Variants in CORO2B observed in about 807,000 individuals in gnomAD.
CORO2B encodes the protein coronin 2B.
CORO2B carries 26 observed loss-of-function variants against 58.8 expected under a neutral mutation model. The observed-to-expected ratio is 0.44, with a 90% CI of 0.32 to 0.61. The LOEUF (loss-of-function observed/expected upper bound fraction) is 0.61. CORO2B is among the 20% of genes least tolerant of loss of function. The pLI, the probability that CORO2B is intolerant of heterozygous loss-of-function variation, is 0.04. For synonymous variants in CORO2B, 242 were observed against 253.8 expected (o/e 0.95, Z 0.44); for missense variants, 460 against 645.1 (o/e 0.71, Z 3.11).
Position 68,597,538 on chromosome 15 carries a change from G to A in CORO2B, c.15+18261G>A, listed in dbSNP as rs565166020. Reference sequence around the variant, plus strand: ...TATTGCATCCCCATTGTGCCCCAGGGCCCATGCTGTTAACTGCCTGGCTGT... The same window carrying A: ...TATTGCATCCCCATTGTGCCCCAGGACCCATGCTGTTAACTGCCTGGCTGT... On this transcript the variant is annotated intron_variant, in intron 1 of 11. Coordinates refer to ENST00000261861, the MANE Select transcript of CORO2B (RefSeq NM_006091.5). Among the ~76,000 whole-genome samples the A allele has an allele frequency of 9.2e-5, 14 of 151,648 alleles. No individual in the cohort carries two copies. In the South Asian group the frequency reaches 1.7e-3, roughly 18 times the overall value.
chr15:68,571,816 C>A, the CORO2B span, among the ~76,000 whole-genome samples: 5 of 152,170 alleles, frequency 3.3e-5, no homozygotes, highest in African/African-American at 9.7e-5. Context: ...CTGCTCTTTA[C>A]AAATATAACG....
At chr15:68,561,360 G>C in the CORO2B span, among the ~76,000 whole-genome samples, 1 of 152,100 alleles carries the variant, frequency 6.6e-6, no homozygotes, top group Non-Finnish European at 1.5e-5. Context: ...CCCCGGTCCA[G>C]ATGGTCACCC....
chr15:68,602,407 T>TCACACACACACACA (rs370587519), intron 1 of CORO2B, among the ~76,000 whole-genome samples: 11 of 138,976 alleles, frequency 7.9e-5, no homozygotes, highest in African/African-American at 2.1e-4. Context: ...TAGGGGCTGA[T>TCACACACACACACA]CACACACACA....
chr15:68,571,141 C>T, the CORO2B span, among the ~76,000 whole-genome samples: 1 of 152,126 alleles, frequency 6.6e-6, no homozygotes, highest in Non-Finnish European at 1.5e-5. Context: ...GCTGCCCAAG[C>T]ACATTTAAAT....
At chr15:68,589,683 T>C (rs769509614) in intron 1 of CORO2B, among the ~76,000 whole-genome samples, 5 of 152,212 alleles carry the variant, frequency 3.3e-5, no homozygotes, top group Non-Finnish European at 4.4e-5. Context: ...AGTTGCCCGA[T>C]GTTGGCAGGC....
At chr15:68,578,034 G>C (rs1899322829), upstream of CORO2B, among the ~76,000 whole-genome samples, 1 of 152,126 alleles carries the variant, frequency 6.6e-6, no homozygotes, top group Non-Finnish European at 1.5e-5. The surrounding 1 kb of genome is among the most constrained non-coding windows in gnomAD (Gnocchi z 4.2). Context: ...CCCTCTCCGC[G>C]GTTCTGTATC....
upstream of CORO2B, among the ~76,000 whole-genome samples, chr15:68,575,306 A>T (rs529571445): frequency 2.0e-5 from 3 of 151,334 alleles, no homozygotes; most frequent in South Asian, 6.3e-4. Flanking sequence ...ACTCCTCTGG[A>T]TGCCTCCTGC....
intron 1 of CORO2B, among the ~76,000 whole-genome samples, chr15:68,595,875 G>C (rs998385053): frequency 6.6e-6 from 1 of 152,182 alleles, no homozygotes; most frequent in Non-Finnish European, 1.5e-5. Context: ...CTGGTGAGAC[G>C]GAGCGGGCGT....
At chr15:68,694,568 G>C (rs1892464273) in intron 2 of CORO2B, among the ~76,000 whole-genome samples, 1 of 152,182 alleles carries the variant, frequency 6.6e-6, no homozygotes, top group African/African-American at 2.4e-5. Context: ...ATATCGTAGA[G>C]AGAATGGCTC....
At chr15:68,686,093 A>G (rs1202885563) in intron 2 of CORO2B, among the ~76,000 whole-genome samples, 1 of 138,290 alleles carries the variant, frequency 7.2e-6, no homozygotes, top group African/African-American at 2.8e-5. Context: ...GCTGGAGTGC[A>G]ATGGCGCAAC....
At chr15:68,558,913 G>A in the CORO2B span, among the ~76,000 whole-genome samples, 413 of 152,308 alleles carry the variant, frequency 2.7e-3, 1 homozygote, top group Non-Finnish European at 4.1e-3. Context: ...CCGCGGGGAG[G>A]TGTTGTGAGA....
the CORO2B span, among the ~76,000 whole-genome samples, chr15:68,548,174 A>T: frequency 5.5e-5 from 8 of 146,368 alleles, no homozygotes; most frequent in Admixed American, 1.4e-4. Flanking sequence ...CCATCTTAAA[A>T]ATATATATAT....
intron 1 of CORO2B, among the ~76,000 whole-genome samples, chr15:68,621,712 T>C (rs2140252242): frequency 6.6e-6 from 1 of 152,158 alleles, no homozygotes; most frequent in African/African-American, 2.4e-5. Context: ...CAGACCTGGG[T>C]TCAAAGCTCA....
chr15:68,561,322 C>A, the CORO2B span, among the ~76,000 whole-genome samples: 22 of 152,124 alleles, frequency 1.4e-4, no homozygotes, highest in Admixed American at 6.5e-4. Flanking sequence ...CATTTTGGAG[C>A]GTTTGGGCAG....
At chr15:68,682,838 A>C (rs1260126469) in intron 2 of CORO2B, among the ~76,000 whole-genome samples, 1 of 152,144 alleles carries the variant, frequency 6.6e-6, no homozygotes, top group Non-Finnish European at 1.5e-5. Context: ...ATGCTCCCCA[A>C]ATCCCAGGTG....
rs149090710 is a variant in CORO2B, at chr15:68,725,885, T to C, written c.1354T>C (p.Leu452=). The change falls in exon 12 of 12, where the codon TTG becomes CTG. Residue 452 remains leucine (L), a synonymous_variant. Coordinates refer to ENST00000261861, the MANE Select transcript of CORO2B (RefSeq NM_006091.5). ...CCGGCAGCAGGATGAGATTCGACGG[T>C]TGAAAGAGGAGCTGGCCCAGAAGGA... is the stretch of plus-strand genomic sequence containing the variant. The part of the protein sequence containing the change: ...FFRQQDEIRR[L]KEELAQKDIR... 3 of 1,613,976 alleles carry C rather than the reference T, an allele frequency of 1.9e-6. No homozygotes were observed. Among genetic ancestry groups the C allele is most frequent in the Middle Eastern group, 1.6e-4 (1 of 6,062 alleles).
intron 1 of CORO2B, among the ~76,000 whole-genome samples, chr15:68,640,521 A>T (rs1407445472): frequency 6.6e-6 from 1 of 152,194 alleles, no homozygotes. Context: ...TAAAAAAAAA[A>T]AAAAGGTGAT....
chr15:68,524,441 C>T, the CORO2B span, among the ~76,000 whole-genome samples: 3 of 152,126 alleles, frequency 2.0e-5, no homozygotes, highest in Non-Finnish European at 2.9e-5. Flanking sequence ...CTTTCATGCA[C>T]TTTTTGCTGA....
intron 3 of CORO2B, 105 bp downstream of exon 3, chr15:68,695,361 CCCT>C: frequency 2.5e-6 from 2 of 814,466 alleles, no homozygotes; most frequent in South Asian, 1.5e-5. Flanking sequence ...TGCCCTTCTT[CCCT>C]CCTCTTTGTC....
Sources: gnomAD v4.1 joint callset for allele counts (sites outside exome capture counted in the v4.1 genomes callset) on GRCh38, gnomAD v4.1.1 for gene constraint, Gnocchi (gnomAD v3.1) non-coding constraint, MANE v1.5 for transcripts, NCBI Gene and HGNC (gene_info 2026-07-23, HGNC 2026-07-21) for gene names.